The following FAM241B variants were observed in gnomAD, a reference collection of about 807,000 sequenced individuals.
FAM241B encodes the protein protein FAM241B.
Under a neutral mutation model 9.3 loss-of-function variants are expected in FAM241B, and 7 were observed. The ratio of observed to expected loss-of-function variants is 0.75; its 90% CI spans 0.43 to 1.41. The LOEUF (loss-of-function observed/expected upper bound fraction) is 1.41, where lower values mean the gene tolerates loss of function less well. FAM241B is among the 40% of genes most tolerant of loss of function. The pLI is 0.01. For synonymous variants in FAM241B, 60 were observed against 64.1 expected (o/e 0.94, Z 0.31); for missense variants, 136 against 159.6 (o/e 0.85, Z 0.80).
At position 69,633,172 on chromosome 10, in the gene FAM241B, G is replaced by C. The variant is rs1307864554; in HGVS notation, c.*113G>C. ...GTGCCTTGAAGGTATGATCAGAGAG[G>C]GGACCACAGGTGTGTGTTTCCCCTT... On this transcript the variant is annotated 3_prime_UTR_variant, in exon 4 of 4. Transcript: ENST00000373279. The C allele has an allele frequency of 6.0e-5, 85 of 1,419,474 alleles. No individual in the cohort carries two copies. The highest frequency in any genetic ancestry group is 3.9e-6 in the Non-Finnish European group (4 of 1,038,350). 87.9% of individuals were successfully genotyped at this position (1,419,474 alleles called of 1,614,324 possible).
chr10:69,631,497 C>CA lies in FAM241B; in HGVS notation c.-86_-85insA. 1 of 1,530,738 alleles carries CA rather than the reference C, an allele frequency of 6.5e-7. No individual in the cohort carries two copies. The allele number at this position is 1,530,738 out of a possible 1,614,324, so 94.8% of individuals were successfully genotyped here. On this transcript the variant is annotated 5_prime_UTR_variant, in exon 2 of 4. Transcript: ENST00000373279. ...TTAATCAGACACAGCATCTACTCAG[C>CA]GTGGGTCACCTCTGTGAACATCACT...
chr10:69,632,747 C>T, intron 3 of FAM241B, 43 bp from the exon 4 acceptor site: 2 of 1,594,068 alleles, frequency 1.3e-6, no homozygotes, highest in Non-Finnish European at 1.7e-6. Context: ...GCTGGTGCGT[C>T]AACCCAATGA....
chr10:69,630,942 A>G (rs1202399157), intron 1 of FAM241B, among the ~76,000 whole-genome samples: 1 of 152,184 alleles, frequency 6.6e-6, no homozygotes, highest in East Asian at 1.9e-4. Flanking sequence ...TGCCGCTACC[A>G]GGCAGTGGTT....
In FAM241B at chr10:69,631,509, C is replaced by G; in HGVS notation, c.-74C>G. 6.5e-7 allele frequency: 1 copy of G among 1,537,572 alleles called. No individual in the cohort carries two copies. The highest frequency in any genetic ancestry group is 8.8e-7 in the Non-Finnish European group (1 of 1,138,754). On this transcript the variant is annotated 5_prime_UTR_variant, in exon 2 of 4. Coordinates refer to ENST00000373279, the MANE Select transcript of FAM241B (RefSeq NM_145306.3). The stretch of plus-strand genomic sequence containing the variant: ...AGCATCTACTCAGCGTGGGTCACCT[C>G]TGTGAACATCACTGACTGCAAGCCT...
chr10:69,630,695 A>G lies in FAM241B; in HGVS notation c.-104+382A>G, dbSNP rs1360763045. 5 of 1,291,754 alleles carry G rather than the reference A, an allele frequency of 3.9e-6. No homozygotes were observed. In the East Asian group the frequency reaches 3.0e-4, roughly 77 times the overall value. The allele number at this position is 1,291,754 out of a possible 1,614,324, so 80.0% of individuals were successfully genotyped here. On this transcript the variant is annotated intron_variant, in intron 1 of 3. Transcript: ENST00000373279. The stretch of plus-strand genomic sequence containing the variant: ...ACTGAGGCTCATCTCCTGAGAATGA[A>G]TGGCCTTTACCCAGACTCAAGGGGA...
chr10:69,630,568 G>C (rs1279790946), intron 1 of FAM241B: 3 of 1,164,186 alleles, frequency 2.6e-6, no homozygotes, highest in Non-Finnish European at 3.4e-6. Flanking sequence ...GCTTCAGGAG[G>C]GGGACGCGCC....
chr10:69,631,496 G>C lies in FAM241B; in HGVS notation c.-87G>C. 1 of 1,530,846 alleles carries C rather than the reference G, an allele frequency of 6.5e-7. No individual in the cohort carries two copies. Among genetic ancestry groups the C allele is most frequent in the South Asian group, 1.2e-5 (1 of 83,048 alleles). The allele number at this position is 1,530,846 out of a possible 1,614,324, so 94.8% of individuals were successfully genotyped here. A position where few individuals can be genotyped will look rare whatever the true frequency, so the allele number is the denominator to read the frequency against. ...GTTAATCAGACACAGCATCTACTCA[G>C]CGTGGGTCACCTCTGTGAACATCAC... On this transcript the variant is annotated 5_prime_UTR_variant, in exon 2 of 4. Coordinates refer to ENST00000373279, the MANE Select transcript of FAM241B (RefSeq NM_145306.3).
chr10:69,632,507 A>G, intron 3 of FAM241B, among the ~76,000 whole-genome samples: 1 of 151,062 alleles, frequency 6.6e-6, no homozygotes, highest in East Asian at 2.0e-4. Context: ...AGTATTAAAA[A>G]TGCTGGCCCT....
intron 3 of FAM241B, 45 bp from the exon 4 acceptor site, chr10:69,632,745 G>T (rs2616088): frequency 6.3e-7 from 1 of 1,589,818 alleles, no homozygotes; most frequent in Admixed American, 1.7e-5. Flanking sequence ...TGGCTGGTGC[G>T]TCAACCCAAT....
In FAM241B at chr10:69,631,542, T is replaced by A; in HGVS notation, c.-41T>A. 6.5e-7 allele frequency: 1 copy of A among 1,543,832 alleles called. No individual in the cohort carries two copies. Among genetic ancestry groups the A allele is most frequent in the Non-Finnish European group, 8.7e-7 (1 of 1,143,082 alleles). On this transcript the variant is annotated 5_prime_UTR_variant, in exon 2 of 4. Transcript: ENST00000373279. ...ATCACTGACTGCAAGCCTCCCTCAA[T>A]TTCTGGTAAATTTTTTCCTTCAAGC... is the stretch of plus-strand genomic sequence containing the variant.
At chr10:69,630,723 C>A in intron 1 of FAM241B, 1 of 1,245,220 alleles carries the variant, frequency 8.0e-7, no homozygotes, top group Non-Finnish European at 1.0e-6. Context: ...CAAGGGGAGG[C>A]GTGGAGGGGC....
Position 69,633,320 on chromosome 10 carries a change from C to T in FAM241B, c.*261C>T, listed in dbSNP as rs1839864363. The T allele has an allele frequency of 3.7e-6, 2 of 537,988 alleles. No homozygotes were observed. Among genetic ancestry groups the T allele is most frequent in the Non-Finnish European group, 6.6e-6 (2 of 302,418 alleles). The allele number at this position is 537,988 out of a possible 1,614,324, so 33.3% of individuals were successfully genotyped here. ...TGCATTAAGTGGCACAAAATCAGAG[C>T]AAGAAAGCGATGCCCTTCCCAATTC... On this transcript the variant is annotated 3_prime_UTR_variant, in exon 4 of 4. Coordinates refer to ENST00000373279, the MANE Select transcript of FAM241B (RefSeq NM_145306.3).
At chr10:69,631,455 TA>T (rs1564645833) in intron 1 of FAM241B, 24 bp from the exon 2 acceptor site, 1 of 1,471,448 alleles carries the variant, frequency 6.8e-7, no homozygotes, top group Non-Finnish European at 9.1e-7. Flanking sequence ...AACTTGCCTT[TA>T]TTTCTCCCCT....
chr10:69,630,738 C>A, intron 1 of FAM241B: 1 of 1,183,408 alleles, frequency 8.5e-7, no homozygotes, highest in Non-Finnish European at 1.1e-6. Context: ...AGGGGCCCCG[C>A]AGTCCAGGGG....
At position 69,631,459 on chromosome 10, in the gene FAM241B, TC is replaced by T. The variant is rs553840699; in HGVS notation, c.-103-20del. ...GCCTGGCAAACAACTTGCCTTTATT[TC>T]TCCCCTTTTTGTTAATCAGACACAG... is the stretch of plus-strand genomic sequence containing the variant. On this transcript the variant is annotated intron_variant, in intron 1 of 3. Coordinates refer to ENST00000373279, the MANE Select transcript of FAM241B (RefSeq NM_145306.3). 4.8e-4 allele frequency: 710 copies of T among 1,480,000 alleles called. 1 individual carries two copies. Among genetic ancestry groups the T allele is most frequent in the Admixed American group, 1.0e-3 (51 of 48,768 alleles). The allele number at this position is 1,480,000 out of a possible 1,614,324, so 91.7% of individuals were successfully genotyped here.
In FAM241B at chr10:69,632,907, G is replaced by C; in HGVS notation, c.214G>C (p.Val72Leu). Residue 72 changes from valine to leucine, a missense_variant, in exon 4 of 4, where the codon GTG (valine) becomes CTG (leucine). By Grantham distance (32) the Val-to-Leu change is conservative. Coordinates refer to ENST00000373279, the MANE Select transcript of FAM241B (RefSeq NM_145306.3). ...CTTCAATGACCTCAACCGGCAGCTGGTGAACATGGGCTTTCCGCAGTGGCA... is the reference window on the plus strand; with the variant it reads ...CTTCAATGACCTCAACCGGCAGCTGCTGAACATGGGCTTTCCGCAGTGGCA... ...SPFNDLNRQL[V>L]NMGFPQWHLG... 1 of 1,614,212 alleles carries C rather than the reference G, an allele frequency of 6.2e-7. No homozygotes were observed. Among genetic ancestry groups the C allele is most frequent in the South Asian group, 1.1e-5 (1 of 91,078 alleles).
Position 69,633,054 on chromosome 10 carries a change from C to T in FAM241B, c.361C>T (p.Arg121Trp), listed in dbSNP as rs1204626392. 3.7e-6 allele frequency: 6 copies of T among 1,614,064 alleles called. No homozygotes were observed. Among genetic ancestry groups the T allele is most frequent in the African/African-American group, 2.7e-5 (2 of 75,024 alleles). ...LVYLVSHLSQ[R>W] ...CTACCTGGTGTCCCACCTGAGTCAG[C>T]GGTGACCTCTGAGGGCTGATAGGGG... The change falls in exon 4 of 4, where the codon CGG (arginine) becomes TGG (tryptophan). Residue 121 changes from arginine to tryptophan, a missense_variant. Physicochemically the swap from Arg to Trp is moderately radical, Grantham distance 101. Transcript: ENST00000373279.
Position 69,632,808 on chromosome 10 carries a change from C to A in FAM241B, c.115C>A (p.His39Asn), listed in dbSNP as rs199529674. 8.1e-6 allele frequency: 13 copies of A among 1,613,678 alleles called. No homozygotes were observed. The highest frequency in any genetic ancestry group is 9.3e-6 in the Non-Finnish European group (11 of 1,179,854). The change falls in exon 4 of 4, where the codon CAT becomes AAT. Residue 39 changes from histidine to asparagine, a missense_variant. Coordinates refer to ENST00000373279, the MANE Select transcript of FAM241B (RefSeq NM_145306.3). ...IPRQSFFNRG[H>N]GAPPGGPGPR... Reference sequence around the variant, plus strand: ...ATTCCAGAGCTTCTTCAACAGGGGCCATGGTGCTCCCCCAGGGGGTCCTGG... The same window carrying A: ...ATTCCAGAGCTTCTTCAACAGGGGCAATGGTGCTCCCCCAGGGGGTCCTGG...
intron 2 of FAM241B, 58 bp downstream of exon 2, chr10:69,631,605 A>C: frequency 6.5e-7 from 1 of 1,548,332 alleles, no homozygotes; most frequent in Non-Finnish European, 8.7e-7. Context: ...ACAGATCTTC[A>C]CGAGTCTGGT....
Sources: allele counts gnomAD v4.1 joint callset (sites outside exome capture counted in the v4.1 genomes callset), GRCh38; gene constraint gnomAD v4.1.1; transcripts MANE v1.5; gene names NCBI Gene and HGNC (gene_info 2026-07-23, HGNC 2026-07-21).